The following TRIO variants were observed in gnomAD, a reference collection of about 807,000 sequenced individuals.
The protein encoded by TRIO is trio Rho guanine nucleotide exchange factor, also known as triple functional domain protein.
Under a neutral mutation model 351.9 loss-of-function variants are expected in TRIO, and 58 were observed. The ratio of observed to expected loss-of-function variants is 0.16; its 90% confidence interval spans 0.13 to 0.21. The LOEUF (loss-of-function observed/expected upper bound fraction) is 0.21. TRIO is among the 10% of genes least tolerant of loss of function. The pLI is 1.00. For missense variants in TRIO, 3,201 were observed against 4,027.8 expected (o/e 0.79, Z 5.56); for synonymous variants, 1,758 against 1,595.7 (o/e 1.10, Z -2.42).
At chr5:14,351,896 T>G (rs1208945771) in intron 11 of TRIO, among the ~76,000 whole-genome samples, 1 of 152,194 alleles carries the variant, frequency 6.6e-6, no homozygotes, top group Admixed American at 6.5e-5. Context: ...GCTTGGTCCT[T>G]TCCGAGGGTC....
At chr5:14,308,676 TC>T (rs1561320492) in intron 8 of TRIO, among the ~76,000 whole-genome samples, 22 of 112,112 alleles carry the variant, frequency 2.0e-4, no homozygotes, top group Non-Finnish European at 3.0e-4. Context: ...CATCCATCCA[TC>T]CATCCATTCA....
chr5:14,238,377 T>C (rs1453462776), intron 1 of TRIO, among the ~76,000 whole-genome samples: 2 of 152,220 alleles, frequency 1.3e-5, no homozygotes, highest in Admixed American at 1.3e-4. Flanking sequence ...GTTTTTTCCC[T>C]CCTGCATGGT....
rs555927516 is a variant in TRIO at position 14,432,805 on chromosome 5, T to C, written c.5203+12784T>C. 5.3e-5 allele frequency among the ~76,000 whole-genome samples: 8 copies of C among 152,348 alleles called. No individual in the cohort carries two copies. The South Asian group carries it at 1.2e-3, about 24-fold the overall frequency. On this transcript the variant is annotated intron_variant, in intron 34 of 56. Coordinates refer to ENST00000344204, the MANE Select transcript of TRIO (RefSeq NM_007118.4). ...CCCAAAACTATTATTCTGCCCCCTT[T>C]CCTAAATCAAAATCAGCTGCTTGTT...
chr5:14,272,429 T>C (rs918845030), intron 2 of TRIO, among the ~76,000 whole-genome samples: 1 of 152,260 alleles, frequency 6.6e-6, no homozygotes, highest in African/African-American at 2.4e-5. Context: ...TTTGTATTCA[T>C]GCTTTTATTA....
At chr5:14,488,914 G>GCTCTGGC (rs1235750789) in intron 48 of TRIO, 8 of 759,692 alleles carry the variant, frequency 1.1e-5, no homozygotes, top group African/African-American at 1.7e-5. Flanking sequence ...GGCCTGCTGG[G>GCTCTGGC]CTCTGGCCTC....
chr5:14,231,695 ATG>A (rs1793440124), intron 1 of TRIO, among the ~76,000 whole-genome samples: 1 of 152,226 alleles, frequency 6.6e-6, no homozygotes, highest in South Asian at 2.1e-4. Context: ...CAAGAATAAA[ATG>A]TGTCATGATG....
intron 7 of TRIO, among the ~76,000 whole-genome samples, chr5:14,301,013 C>T (rs1424392132): frequency 6.6e-6 from 1 of 152,068 alleles, no homozygotes; most frequent in African/African-American, 2.4e-5. Context: ...GAGTGCAGTT[C>T]ACTAGCTTCA....
chr5:14,417,049 T>G (rs1561465918), intron 33 of TRIO, among the ~76,000 whole-genome samples: 1 of 152,248 alleles, frequency 6.6e-6, no homozygotes, highest in Non-Finnish European at 1.5e-5. Flanking sequence ...ACCGGTCCTG[T>G]GTTCCCGGAA....
rs961247277 is a variant in TRIO, at chr5:14,286,933, C to T, written c.410C>T (p.Ser137Phe). 4 of 1,614,028 alleles carry T rather than the reference C, an allele frequency of 2.5e-6. No homozygotes were observed. In the African/African-American group the frequency reaches 5.3e-5, roughly 22 times the overall value. ...IVDMRGSKWD[S>F]IKPLLKILQE... The stretch of plus-strand genomic sequence containing the variant: ...GACATGCGTGGGTCCAAGTGGGACT[C>T]CATCAAGCCCCTTCTGAAGATCCTG... Residue 137 changes from serine (S) to phenylalanine (F), a missense_variant, in exon 4 of 57, where the codon TCC becomes TTC. Physicochemically the swap from Ser to Phe is radical, Grantham distance 155 (BLOSUM62 -2). Around this residue, in one of 19 missense-constraint regions of TRIO, gnomAD observed 30 missense variants for 35.1 expected, o/e 0.85. Transcript: ENST00000344204. This position sits in a 1 kb window ranked among gnomAD's most constrained non-coding sequence, Gnocchi z 4.4.
chr5:14,498,153 T>G lies in TRIO; in HGVS notation c.8112T>G (p.Leu2704=), dbSNP rs780409434. Residue 2704 remains leucine (L), a synonymous_variant, in exon 52 of 57, where the codon CTT becomes CTG. Coordinates refer to ENST00000344204, the MANE Select transcript of TRIO (RefSeq NM_007118.4). ...VTCETGETVV[L]RCRVCGRPKA... is the part of the protein sequence containing the mutation. ...GTGAGACAGGGGAGACCGTTGTTCT[T>G]AGATGTCGAGTCTGTGGCCGCCCCA... 2.5e-6 allele frequency: 4 copies of G among 1,614,074 alleles called. No homozygotes were observed. In the Admixed American group the frequency reaches 6.7e-5, roughly 27 times the overall value.
Position 14,266,053 on chromosome 5 carries a change from ATCTT to A in TRIO, c.158-4766_158-4763del, listed in dbSNP as rs749147071. On this transcript the variant is annotated intron_variant, in intron 1 of 56. Transcript: ENST00000344204. ...GATTGATTCATTCATTCATCCATCC[ATCTT>A]TCTTTTCCTTTTCTTTTTTTTTGGA... Among the ~76,000 whole-genome samples the A allele has an allele frequency of 2.2e-4, 32 of 146,878 alleles. No homozygotes were observed. The East Asian group carries it at 5.3e-3, about 24-fold the overall frequency.
chr5:14,145,277 A>G (rs1311514478), intron 1 of TRIO, among the ~76,000 whole-genome samples: 3 of 152,154 alleles, frequency 2.0e-5, no homozygotes, highest in African/African-American at 7.2e-5. Context: ...GCTGGTAGAT[A>G]CCTGGTTTAG....
At chr5:14,475,108 A>G (rs1754963060) in intron 40 of TRIO, among the ~76,000 whole-genome samples, 1 of 152,170 alleles carries the variant, frequency 6.6e-6, no homozygotes, top group Non-Finnish European at 1.5e-5. Flanking sequence ...CACCTTGGCT[A>G]CCAGAGCTTG....
chr5:14,377,103 T>G (rs1197775080), intron 19 of TRIO, among the ~76,000 whole-genome samples: 1 of 152,178 alleles, frequency 6.6e-6, no homozygotes, highest in African/African-American at 2.4e-5. Flanking sequence ...TGCACCAGTT[T>G]TTGGTGGTTC....
chr5:14,357,939 G>GTTTATTTTCCC (rs1254886377), intron 11 of TRIO, among the ~76,000 whole-genome samples: 3 of 152,144 alleles, frequency 2.0e-5, no homozygotes, highest in Non-Finnish European at 4.4e-5. Context: ...CCGTTCGCCT[G>GTTTATTTTCCC]TTTATTTTCC....
intron 40 of TRIO, among the ~76,000 whole-genome samples, chr5:14,476,187 C>T (rs1028777873): frequency 2.0e-5 from 3 of 152,102 alleles, no homozygotes; most frequent in African/African-American, 4.8e-5. Flanking sequence ...ATATGAAATT[C>T]GCAGGTATAA....
Position 14,479,201 on chromosome 5 carries a change from G to A in TRIO, c.6154-60G>A, listed in dbSNP as rs73749280. 8,333 of 1,386,828 alleles carry A rather than the reference G, an allele frequency of 6.0e-3. 391 individuals are homozygous for A. In the African/African-American group the frequency reaches 0.1, roughly 17 times the overall value. The allele number at this position is 1,386,828 out of a possible 1,614,324, so 85.9% of individuals were successfully genotyped here. On this transcript the variant is annotated intron_variant, in intron 41 of 56. Transcript: ENST00000344204. ...AATGTGCTGAAATGTGCGGGTACTC[G>A]TGTATTCTAATCGAATTTCCCATTG...
chr5:14,220,419 C>T (rs1458367444), intron 1 of TRIO, among the ~76,000 whole-genome samples: 1 of 152,132 alleles, frequency 6.6e-6, no homozygotes, highest in Non-Finnish European at 1.5e-5. Context: ...TTAATAAATC[C>T]AACTATGGCC....
At chr5:14,459,075 G>A (rs969544767) in intron 34 of TRIO, among the ~76,000 whole-genome samples, 12 of 152,212 alleles carry the variant, frequency 7.9e-5, no homozygotes, top group Non-Finnish European at 1.5e-4. Context: ...TTGCCTCTGA[G>A]AAAAATCTGG....
Sources: allele counts gnomAD v4.1 joint callset (sites outside exome capture counted in the v4.1 genomes callset), GRCh38; gene constraint gnomAD v4.1.1; regional missense constraint gnomAD v4.1.1; non-coding constraint Gnocchi (gnomAD v3.1); transcripts MANE v1.5; gene names NCBI Gene and HGNC (gene_info 2026-07-23, HGNC 2026-07-21).